Variants in GLIS3 observed in about 807,000 individuals in gnomAD.
The protein encoded by GLIS3 is zinc finger protein GLIS3.
GLIS3 carries 53 observed loss-of-function variants against 78.6 expected under a neutral mutation model. The ratio of observed to expected loss-of-function variants is 0.67; its 90% CI spans 0.54 to 0.85. GLIS3 has a LOEUF of 0.85. Ranked by LOEUF, GLIS3 falls within the 40% of genes least tolerant of loss-of-function variation. The pLI is 0.00. For missense variants in GLIS3, 1,703 were observed against 1,231.1 expected, an observed-to-expected ratio of 1.38 and a Z score of -5.74; for synonymous variants, 684 against 509.9, an observed-to-expected ratio of 1.34 and a Z score of -4.60.
At chr9:4,216,656 T>C (rs959178935) in intron 2 of GLIS3, among the ~76,000 whole-genome samples, 2 of 152,160 alleles carry the variant, frequency 1.3e-5, no homozygotes. Context: ...AGTTGCTTCT[T>C]GTTTTAAGCT....
intron 6 of GLIS3, among the ~76,000 whole-genome samples, chr9:3,908,654 G>T (rs533757566): frequency 6.2e-5 from 9 of 145,114 alleles, no homozygotes; most frequent in African/African-American, 2.3e-4. Context: ...ACAATGCGGG[G>T]ATTTTTTTCT....
chr9:4,059,827 T>TGAGAGAGAGAGAGAGAGA (rs1252079860), intron 4 of GLIS3, among the ~76,000 whole-genome samples: 1 of 106,706 alleles, frequency 9.4e-6, no homozygotes, highest in African/African-American at 3.4e-5. Flanking sequence ...TGTGTGTGTG[T>TGAGAGAGAGAGAGAGAGA]GTGAGAGAGA....
At chr9:4,263,638 G>A (rs1284649587) in intron 2 of GLIS3, among the ~76,000 whole-genome samples, 1 of 152,164 alleles carries the variant, frequency 6.6e-6, no homozygotes, top group African/African-American at 2.4e-5. Flanking sequence ...ACACAGAAGT[G>A]AAAAAGCCAG....
intron 6 of GLIS3, among the ~76,000 whole-genome samples, chr9:3,931,460 A>C (rs1825610390): frequency 1.3e-5 from 2 of 152,270 alleles, no homozygotes; most frequent in Non-Finnish European, 1.5e-5. Flanking sequence ...CTGCCCTTAA[A>C]TTTGTTATAA....
chr9:4,403,992 A>G, the GLIS3 span, among the ~76,000 whole-genome samples: 1 of 152,206 alleles, frequency 6.6e-6, no homozygotes, highest in Non-Finnish European at 1.5e-5. Context: ...TACTTCACCT[A>G]TAAAGGCACA....
chr9:3,939,741 C>A (rs1040907295), intron 4 of GLIS3, among the ~76,000 whole-genome samples: 2 of 152,076 alleles, frequency 1.3e-5, no homozygotes, highest in African/African-American at 4.8e-5. Flanking sequence ...AGGGTTTGAC[C>A]TCATTATGTT....
chr9:4,312,666 T>G (rs1817383284), intron 2 of GLIS3, among the ~76,000 whole-genome samples: 1 of 152,232 alleles, frequency 6.6e-6, no homozygotes, highest in Admixed American at 6.5e-5. Context: ...TGCTGTTACC[T>G]TAGGCCTTTT....
At chr9:4,398,671 C>T in the GLIS3 span, among the ~76,000 whole-genome samples, 1 of 151,800 alleles carries the variant, frequency 6.6e-6, no homozygotes, top group Non-Finnish European at 1.5e-5. Flanking sequence ...GAAGTAGTTG[C>T]TTAAGCTCTT....
chr9:4,266,280 G>GA (rs924297817), intron 2 of GLIS3, among the ~76,000 whole-genome samples: 72 of 147,694 alleles, frequency 4.9e-4, no homozygotes, highest in East Asian at 2.7e-3. Context: ...GGCTCAAGAA[G>GA]AAAAAAAAAA....
chr9:4,254,705 T>A (rs1824741977), intron 2 of GLIS3, among the ~76,000 whole-genome samples: 1 of 152,176 alleles, frequency 6.6e-6, no homozygotes, highest in East Asian at 1.9e-4. Flanking sequence ...CCGGGCATGG[T>A]GGCAAACGCC....
chr9:4,051,769 T>C (rs1391111294), intron 4 of GLIS3, among the ~76,000 whole-genome samples: 1 of 152,210 alleles, frequency 6.6e-6, no homozygotes, highest in Non-Finnish European at 1.5e-5. Context: ...ATATGTCAGA[T>C]GGATGACACA....
chr9:3,964,523 A>G (rs1237336560), intron 4 of GLIS3, among the ~76,000 whole-genome samples: 2 of 152,238 alleles, frequency 1.3e-5, no homozygotes, highest in Non-Finnish European at 2.9e-5. Flanking sequence ...TAGTTACTAC[A>G]TTTAATTAAA....
intron 2 of GLIS3, among the ~76,000 whole-genome samples, chr9:4,132,611 C>A (rs1189619555): frequency 6.6e-6 from 1 of 152,234 alleles, no homozygotes; most frequent in African/African-American, 2.4e-5. Context: ...AGGCAGTCCA[C>A]AGAGACAATG....
At chr9:4,194,777 T>C (rs10758567) in intron 2 of GLIS3, among the ~76,000 whole-genome samples, 68,522 of 151,960 alleles carry the variant, frequency 0.45, 15,656 homozygotes, top group South Asian at 0.55. Context: ...CGGGCAACCC[T>C]GGCCAAGGGA....
intron 9 of GLIS3, chr9:3,855,718 A>G (rs895509323): frequency 7.1e-5 from 29 of 406,446 alleles, no homozygotes; most frequent in African/African-American, 2.3e-4. Flanking sequence ...TGGGCTGTCT[A>G]TTGTTTAGAA....
the GLIS3 span, among the ~76,000 whole-genome samples, chr9:4,433,157 C>G: frequency 6.6e-6 from 1 of 152,168 alleles, no homozygotes; most frequent in East Asian, 1.9e-4. Context: ...AATGGCCAGG[C>G]GCTATGGCCC....
intron 4 of GLIS3, among the ~76,000 whole-genome samples, chr9:4,067,744 T>C (rs1032265085): frequency 5.3e-5 from 8 of 151,230 alleles, no homozygotes; most frequent in African/African-American, 1.9e-4. Flanking sequence ...GATTAGATTA[T>C]AGGAGAGAAA....
the GLIS3 span, among the ~76,000 whole-genome samples, chr9:4,490,042 A>C: frequency 6.6e-6 from 1 of 152,196 alleles, no homozygotes; most frequent in Non-Finnish European, 1.5e-5. Flanking sequence ...CCAAGGCAGG[A>C]TCAGCTTCCC....
At chr9:3,904,800 A>G (rs1206105341) in intron 6 of GLIS3, among the ~76,000 whole-genome samples, 1 of 152,162 alleles carries the variant, frequency 6.6e-6, no homozygotes, top group East Asian at 1.9e-4. Flanking sequence ...TCTAAAATAA[A>G]TTACACAGCT....
Sources: allele counts gnomAD v4.1 joint callset (sites outside exome capture counted in the v4.1 genomes callset), GRCh38; gene constraint gnomAD v4.1.1; transcripts MANE v1.5; gene names NCBI Gene and HGNC (gene_info 2026-07-23, HGNC 2026-07-21).